The following FOXP2 variants were observed in gnomAD, a reference collection of about 807,000 sequenced individuals.
FOXP2 encodes forkhead box protein P2.
A neutral mutation model predicts 115.8 loss-of-function variants in FOXP2; 12 were observed. The ratio of observed to expected loss-of-function variants is 0.10; its 90% CI spans 0.07 to 0.17. The LOEUF is 0.17. Among genes scored for constraint, FOXP2 ranks in the 10% least tolerant of loss-of-function variants. The pLI is 1.00. For missense variants in FOXP2, 629 were observed against 843.5 expected (o/e 0.75, Z 3.15); for synonymous variants, 328 against 297.7 (o/e 1.10, Z -1.05).
intron 1 of FOXP2, among the ~76,000 whole-genome samples, chr7:114,257,817 G>A: frequency 6.6e-6 from 1 of 152,088 alleles, no homozygotes; most frequent in East Asian, 1.9e-4. Context: ...TTGCTTTGGG[G>A]GAAAAATGTT....
intron 1 of FOXP2, among the ~76,000 whole-genome samples, chr7:114,172,551 A>G (rs956746982): frequency 2.0e-5 from 3 of 152,194 alleles, no homozygotes; most frequent in Non-Finnish European, 4.4e-5. Context: ...CAGTTGTGGC[A>G]CATGTACCGC....
At chr7:114,688,214 C>CACACACACAG (rs1348359412) in intron 16 of FOXP2, among the ~76,000 whole-genome samples, 2 of 68,472 alleles carry the variant, frequency 2.9e-5, no homozygotes, top group African/African-American at 6.6e-5. Context: ...TGCATACACA[C>CACACACACAG]ACACACACAC....
At chr7:114,459,516 T>C (rs1219648955) in intron 2 of FOXP2, among the ~76,000 whole-genome samples, 1 of 152,254 alleles carries the variant, frequency 6.6e-6, no homozygotes, top group East Asian at 1.9e-4. Context: ...CCAAATATTT[T>C]ATTCTAGATT....
intron 2 of FOXP2, among the ~76,000 whole-genome samples, chr7:114,295,801 T>C (rs1796729338): frequency 6.6e-6 from 1 of 152,188 alleles, no homozygotes; most frequent in African/African-American, 2.4e-5. Context: ...TTCTGTGGCC[T>C]TTATTAGGCT....
At chr7:114,291,824 T>C (rs1364254817) in intron 2 of FOXP2, among the ~76,000 whole-genome samples, 1 of 144,086 alleles carries the variant, frequency 6.9e-6, no homozygotes, top group East Asian at 2.0e-4. Context: ...CTATATATAA[T>C]ACATATATAA....
chr7:114,570,412 T>C (rs1325095394), intron 3 of FOXP2, among the ~76,000 whole-genome samples: 2 of 151,860 alleles, frequency 1.3e-5, no homozygotes, highest in African/African-American at 2.4e-5. Flanking sequence ...AGGTTTGCTT[T>C]TTCAAAATTA....
chr7:114,645,417 A>G (rs1038741462), intron 8 of FOXP2: 2 of 151,862 alleles, frequency 1.3e-5, no homozygotes, highest in Non-Finnish European at 2.9e-5. Flanking sequence ...GCTTAAAACC[A>G]AAACTTTGTG....
intron 2 of FOXP2, among the ~76,000 whole-genome samples, chr7:114,518,352 A>G (rs1015611891): frequency 3.3e-5 from 5 of 152,122 alleles, no homozygotes; most frequent in African/African-American, 1.2e-4. Context: ...GTATAGGAAA[A>G]TACTTTTATG....
chr7:114,319,757 A>G (rs1340917126), intron 2 of FOXP2, among the ~76,000 whole-genome samples: 2 of 152,216 alleles, frequency 1.3e-5, no homozygotes, highest in South Asian at 2.1e-4. Context: ...CTACCAAAAT[A>G]TATGGTCATT....
intron 2 of FOXP2, among the ~76,000 whole-genome samples, chr7:114,298,700 G>A (rs1019341312): frequency 6.6e-6 from 1 of 152,152 alleles, no homozygotes; most frequent in African/African-American, 2.4e-5. Context: ...CTCTCCAGTA[G>A]TCTATTGCCC....
chr7:114,213,297 A>G (rs1462861488), intron 1 of FOXP2, among the ~76,000 whole-genome samples: 3 of 152,206 alleles, frequency 2.0e-5, no homozygotes, highest in South Asian at 4.1e-4. Flanking sequence ...AGGCTGCACC[A>G]GGATCATTTG....
intron 2 of FOXP2, among the ~76,000 whole-genome samples, chr7:114,365,153 C>G (rs999257495): frequency 6.6e-6 from 1 of 152,028 alleles, no homozygotes; most frequent in Non-Finnish European, 1.5e-5. Context: ...TTAAAAATTA[C>G]AATTTAACAA....
chr7:114,437,914 G>T (rs919295358), intron 2 of FOXP2, among the ~76,000 whole-genome samples: 1 of 152,222 alleles, frequency 6.6e-6, no homozygotes, highest in Admixed American at 6.5e-5. Flanking sequence ...GAATTGAGAC[G>T]TGCTTTAAGT....
intron 2 of FOXP2, 63 bp downstream of exon 2, chr7:114,426,742 A>C: frequency 6.6e-7 from 1 of 1,523,136 alleles, no homozygotes; most frequent in Non-Finnish European, 9.0e-7. Flanking sequence ...GAATATGAAA[A>C]ATGTATTCAT....
At chr7:114,637,344 G>T (rs1805276694) in intron 6 of FOXP2, among the ~76,000 whole-genome samples, 1 of 151,986 alleles carries the variant, frequency 6.6e-6, no homozygotes, top group Admixed American at 6.6e-5. Flanking sequence ...ATTTTTTGTG[G>T]CCACGGAATT....
At chr7:114,319,217 G>A (rs893431416) in intron 2 of FOXP2, among the ~76,000 whole-genome samples, 1 of 152,148 alleles carries the variant, frequency 6.6e-6, no homozygotes, top group Non-Finnish European at 1.5e-5. Flanking sequence ...GTGTCCTTGT[G>A]ACTCTTACCT....
chr7:114,652,459 C>T (rs1806321652), intron 9 of FOXP2, among the ~76,000 whole-genome samples, 169 bp downstream of exon 9: 1 of 151,988 alleles, frequency 6.6e-6, no homozygotes, highest in South Asian at 2.1e-4. Context: ...TTATTGATAA[C>T]CCAGGAAGGA....
At chr7:114,618,597 A>G (rs1020569688) in intron 3 of FOXP2, among the ~76,000 whole-genome samples, 20 of 152,178 alleles carry the variant, frequency 1.3e-4, no homozygotes, top group African/African-American at 4.6e-4. Context: ...CTTGACCTAT[A>G]TTTTGTACCA....
At chr7:114,511,831 C>T (rs934782084) in intron 2 of FOXP2, among the ~76,000 whole-genome samples, 2 of 151,926 alleles carry the variant, frequency 1.3e-5, no homozygotes, top group African/African-American at 2.4e-5. Flanking sequence ...TGTTTAATTG[C>T]TAAAATTGTA....
Sources: gnomAD v4.1 joint callset for allele counts (sites outside exome capture counted in the v4.1 genomes callset) on GRCh38, gnomAD v4.1.1 for gene constraint, MANE v1.5 for transcripts, NCBI Gene and HGNC (gene_info 2026-07-23, HGNC 2026-07-21) for gene names.